TENM2: variants seen among roughly 807,000 people sequenced by gnomAD.
TENM2 encodes the protein teneurin transmembrane protein 2.
TENM2 carries 52 observed loss-of-function variants against 245.2 expected under a neutral mutation model. The observed-to-expected ratio is 0.21, with a 90% CI of 0.17 to 0.27. The LOEUF (loss-of-function observed/expected upper bound fraction) is 0.27, where lower values mean the gene tolerates loss of function less well. Ranked by LOEUF, TENM2 falls within the 10% of genes least tolerant of loss-of-function variation. TENM2 has a pLI of 1.00. For missense variants in TENM2, 3,046 were observed against 3,666.8 expected (o/e 0.83, Z 4.37); for synonymous variants, 1,363 against 1,438.9 (o/e 0.95, Z 1.19).
the TENM2 span, among the ~76,000 whole-genome samples, chr5:167,204,475 A>G: frequency 6.6e-6 from 1 of 152,174 alleles, no homozygotes; most frequent in African/African-American, 2.4e-5. Flanking sequence ...TGGAGCAGGT[A>G]CGAGAAAATT....
At chr5:168,109,274 T>C (rs1010208765) in intron 9 of TENM2, among the ~76,000 whole-genome samples, 4 of 152,210 alleles carry the variant, frequency 2.6e-5, no homozygotes, top group Non-Finnish European at 5.9e-5. Context: ...AGACAGCAAC[T>C]GAGCAGACAC....
chr5:168,251,957 G>C (rs776411974), intron 27 of TENM2, among the ~76,000 whole-genome samples: 1 of 152,232 alleles, frequency 6.6e-6, no homozygotes, highest in South Asian at 2.1e-4. Flanking sequence ...GCAGGCGGAG[G>C]GGGCAAGAAG....
chr5:168,139,565 C>T, intron 12 of TENM2: 2 of 456,374 alleles, frequency 4.4e-6, no homozygotes, highest in Non-Finnish European at 8.8e-6. Context: ...GCAGGCCTTT[C>T]CTCTGTGAGG....
chr5:167,734,637 A>G (rs991714767), intron 2 of TENM2, among the ~76,000 whole-genome samples: 2 of 151,996 alleles, frequency 1.3e-5, no homozygotes, highest in South Asian at 2.1e-4. Context: ...TGTTCTATCT[A>G]CATTATTTGG....
chr5:167,038,464 G>A, the TENM2 span, among the ~76,000 whole-genome samples: 13 of 152,268 alleles, frequency 8.5e-5, no homozygotes, highest in East Asian at 7.7e-4. Context: ...AGGGAGGAGA[G>A]ATGTAATCAT....
intron 2 of TENM2, among the ~76,000 whole-genome samples, chr5:167,753,297 T>C (rs1762079119): frequency 6.6e-6 from 1 of 152,174 alleles, no homozygotes; most frequent in Admixed American, 6.5e-5. Context: ...CTGTCTCAAA[T>C]ATTGTGGAGT....
chr5:167,974,357 A>G (rs1451364171), intron 4 of TENM2, among the ~76,000 whole-genome samples: 1 of 114,618 alleles, frequency 8.7e-6, no homozygotes, highest in Non-Finnish European at 1.8e-5. Flanking sequence ...AAGGGAAGGA[A>G]GGAAGGGAGG....
At chr5:167,253,119 G>T in the TENM2 span, among the ~76,000 whole-genome samples, 2 of 151,846 alleles carry the variant, frequency 1.3e-5, no homozygotes, top group Admixed American at 6.6e-5. Flanking sequence ...TTGAGACAGG[G>T]TTCACTCCAT....
At chr5:167,498,717 A>T (rs535687796) in intron 2 of TENM2, among the ~76,000 whole-genome samples, 1 of 152,192 alleles carries the variant, frequency 6.6e-6, no homozygotes, top group South Asian at 2.1e-4. Flanking sequence ...CTCAAGGATG[A>T]TGACAAAACA....
the TENM2 span, among the ~76,000 whole-genome samples, chr5:167,059,214 C>T: frequency 1.4e-4 from 21 of 152,166 alleles, no homozygotes; most frequent in Non-Finnish European, 2.1e-4. Flanking sequence ...GCACAAAACT[C>T]ACTTTAATAA....
At chr5:168,075,294 C>T (rs1314491858) in intron 7 of TENM2, among the ~76,000 whole-genome samples, 4 of 152,136 alleles carry the variant, frequency 2.6e-5, no homozygotes. Context: ...GAGTAGTATT[C>T]CATGGTATAT....
chr5:168,196,646 G>C (rs1490702449), intron 15 of TENM2, among the ~76,000 whole-genome samples: 2 of 152,130 alleles, frequency 1.3e-5, no homozygotes, highest in African/African-American at 4.8e-5. Flanking sequence ...ATTTTTAGTA[G>C]AGACGGGGTT....
the TENM2 span, among the ~76,000 whole-genome samples, chr5:167,249,808 C>T: frequency 7.8e-6 from 1 of 129,004 alleles, no homozygotes; most frequent in African/African-American, 2.8e-5. Context: ...AAGATGTAAA[C>T]ATCCTCTCTA....
At chr5:167,422,161 C>T (rs1372198505) in intron 2 of TENM2, among the ~76,000 whole-genome samples, 2 of 152,114 alleles carry the variant, frequency 1.3e-5, no homozygotes, top group South Asian at 2.1e-4. Context: ...TACAAGTAAA[C>T]GTCGTATTTG....
chr5:167,686,115 T>C (rs1757058753), intron 2 of TENM2, among the ~76,000 whole-genome samples: 1 of 152,224 alleles, frequency 6.6e-6, no homozygotes, highest in Non-Finnish European at 1.5e-5. Context: ...AGACAGCGTG[T>C]ATTGATCACT....
intron 4 of TENM2, among the ~76,000 whole-genome samples, chr5:167,961,602 T>G (rs1343813045): frequency 6.6e-6 from 1 of 152,186 alleles, no homozygotes; most frequent in Non-Finnish European, 1.5e-5. Context: ...ATCAATCAGT[T>G]GTTATTGTTT....
At chr5:168,133,576 C>A (rs546018950) in intron 12 of TENM2, among the ~76,000 whole-genome samples, 1 of 152,208 alleles carries the variant, frequency 6.6e-6, no homozygotes, top group Admixed American at 6.5e-5. Flanking sequence ...GGGACAGATA[C>A]AGCAGAGTGC....
At chr5:167,916,451 A>C (rs969634766) in intron 3 of TENM2, among the ~76,000 whole-genome samples, 13 of 152,070 alleles carry the variant, frequency 8.5e-5, no homozygotes, top group African/African-American at 2.9e-4. Context: ...TCGGTGGTGC[A>C]CCTTTGCCAC....
Position 167,538,163 on chromosome 5 carries a change from C to T in TENM2, c.502+162690C>T, listed in dbSNP as rs566713986. Among the ~76,000 whole-genome samples the T allele has an allele frequency of 1.6e-4, 24 of 152,232 alleles. No homozygotes were observed. The South Asian group carries it at 5.0e-3, about 32-fold the overall frequency. ...TATGAATTGCTTCCAGGTGAATATCCATGAATCTGATGATACTTGAAGACA... is the reference window on the plus strand; with the variant it reads ...TATGAATTGCTTCCAGGTGAATATCTATGAATCTGATGATACTTGAAGACA... On this transcript the variant is annotated intron_variant, in intron 2 of 28. Transcript: ENST00000518659.
Sources: gnomAD v4.1 joint callset for allele counts (sites outside exome capture counted in the v4.1 genomes callset) on GRCh38, gnomAD v4.1.1 for gene constraint, MANE v1.5 for transcripts, NCBI Gene and HGNC (gene_info 2026-07-23, HGNC 2026-07-21) for gene names.